EXT1: variants seen among roughly 807,000 people sequenced by gnomAD.
EXT1 encodes the protein exostosin-1.
In EXT1, 20 loss-of-function variants were observed where a neutral mutation model predicts 82.5. The observed-to-expected ratio is 0.24, with a 90% confidence interval of 0.17 to 0.35. The LOEUF (loss-of-function observed/expected upper bound fraction) is 0.35, where lower values mean the gene tolerates loss of function less well. Among genes scored for constraint, EXT1 ranks in the 10% least tolerant of loss-of-function variants. The pLI is 1.00. For missense variants in EXT1, 757 were observed against 936.5 expected (o/e 0.81, Z 2.50); for synonymous variants, 348 against 350.8 (o/e 0.99, Z 0.09).
chr8:117,915,869 C>CAAAACAAAAA (rs1813739567), intron 1 of EXT1, among the ~76,000 whole-genome samples: 1 of 151,822 alleles, frequency 6.6e-6, no homozygotes, highest in Non-Finnish European at 1.5e-5. Context: ...CAAAACAAAA[C>CAAAACAAAAA]AAAACAAAAC....
At chr8:117,930,137 A>G (rs1375969333) in intron 1 of EXT1, among the ~76,000 whole-genome samples, 1 of 152,046 alleles carries the variant, frequency 6.6e-6, no homozygotes, top group Non-Finnish European at 1.5e-5. Flanking sequence ...AGAGAAGAGG[A>G]AGAGTTTGCC....
At chr8:117,984,449 C>A (rs368015973) in intron 1 of EXT1, among the ~76,000 whole-genome samples, 2,212 of 130,462 alleles carry the variant, frequency 0.017, 21 homozygotes, top group African/African-American at 0.024. Context: ...CAAAACAAAA[C>A]AAAAAAAAAA....
chr8:117,868,875 C>T (rs529571435), intron 1 of EXT1, among the ~76,000 whole-genome samples: 1 of 152,116 alleles, frequency 6.6e-6, no homozygotes. Flanking sequence ...AATTCCAGCC[C>T]ATAGAGCAGG....
At chr8:117,952,898 T>G (rs1355228753) in intron 1 of EXT1, among the ~76,000 whole-genome samples, 1 of 152,214 alleles carries the variant, frequency 6.6e-6, no homozygotes, top group Non-Finnish European at 1.5e-5. Flanking sequence ...TTCATGAATT[T>G]TATAGTAAAA....
chr8:117,955,402 T>G (rs988470905), intron 1 of EXT1, among the ~76,000 whole-genome samples: 2 of 152,238 alleles, frequency 1.3e-5, no homozygotes, highest in Non-Finnish European at 2.9e-5. Context: ...ATCACCACTT[T>G]GAAGCTATCC....
At chr8:118,075,779 C>A (rs1563648474) in intron 1 of EXT1, among the ~76,000 whole-genome samples, 1 of 151,870 alleles carries the variant, frequency 6.6e-6, no homozygotes, top group Non-Finnish European at 1.5e-5. Flanking sequence ...TCTCACATGG[C>A]AAGAGAAGGA....
rs568223892 is a variant in EXT1 at position 117,839,839 on chromosome 8, C to T, written c.963-2638G>A. On this transcript the variant is annotated intron_variant, in intron 1 of 10. Transcript: ENST00000378204. ...CTTTCAAGAAATACTATGTTTCAGA[C>T]ACTGTCCCATTTCAACAGATAGAGT... Among the ~76,000 whole-genome samples, 9 of 152,326 alleles carry T rather than the reference C, an allele frequency of 5.9e-5. No individual in the cohort carries two copies. In the East Asian group the frequency reaches 1.5e-3, roughly 26 times the overall value.
chr8:117,802,334 C>CCTTAATGTCTCATTTAA (rs1823178771), intron 10 of EXT1, among the ~76,000 whole-genome samples: 1 of 152,120 alleles, frequency 6.6e-6, no homozygotes, highest in African/African-American at 2.4e-5. Context: ...TTTAAAATGT[C>CCTTAATGTCTCATTTAA]ATGTCCTTAA....
intron 10 of EXT1, 59 bp downstream of exon 10, chr8:117,804,663 T>G (rs1823211417): frequency 7.5e-6 from 12 of 1,598,724 alleles, no homozygotes; most frequent in Non-Finnish European, 9.4e-6. Context: ...TGAGTCCTCA[T>G]TACCTGGGGC....
chr8:117,897,521 C>T (rs1392076842), intron 1 of EXT1, among the ~76,000 whole-genome samples: 2 of 151,306 alleles, frequency 1.3e-5, no homozygotes, highest in African/African-American at 4.8e-5. Context: ...CTAAAGCAGG[C>T]CTTGTTTTCA....
intron 1 of EXT1, among the ~76,000 whole-genome samples, chr8:117,890,366 G>C (rs1813221589): frequency 6.6e-6 from 1 of 152,168 alleles, no homozygotes. Context: ...GAATGGGTGG[G>C]TGCTTCTGGT....
chr8:117,943,253 C>T (rs758938677), intron 1 of EXT1, among the ~76,000 whole-genome samples: 6 of 152,150 alleles, frequency 3.9e-5, no homozygotes, highest in Admixed American at 2.6e-4. Flanking sequence ...ACAGACACTA[C>T]TACAAACTGC....
At chr8:117,884,857 T>C (rs1442166360) in intron 1 of EXT1, among the ~76,000 whole-genome samples, 1 of 152,232 alleles carries the variant, frequency 6.6e-6, no homozygotes, top group East Asian at 1.9e-4. Flanking sequence ...TCCAGCTTTC[T>C]GTAGCAGCAA....
chr8:118,111,660 C>G lies in EXT1; in HGVS notation c.-614G>C, dbSNP rs1180215771. 9 of 368,980 alleles carry G rather than the reference C, an allele frequency of 2.4e-5. No homozygotes were observed. Among genetic ancestry groups the G allele is most frequent in the Admixed American group, 2.3e-4 (5 of 21,446 alleles). 22.9% of individuals were successfully genotyped at this position (368,980 alleles called of 1,614,324 possible). ...CCGGCGGTGTTTACTCCTGCGCTCG[C>G]GGGGCCGGCCCCCGGGACGCGCGGC... On this transcript the variant is annotated 5_prime_UTR_variant, in exon 1 of 11. Coordinates refer to ENST00000378204, the MANE Select transcript of EXT1 (RefSeq NM_000127.3).
At chr8:117,919,306 C>A (rs1375112419) in intron 1 of EXT1, among the ~76,000 whole-genome samples, 2 of 151,746 alleles carry the variant, frequency 1.3e-5, no homozygotes, top group African/African-American at 4.8e-5. Context: ...CCACCTCAGC[C>A]TCCAGAACAG....
chr8:117,913,242 T>C (rs1813686113), intron 1 of EXT1, among the ~76,000 whole-genome samples: 1 of 151,986 alleles, frequency 6.6e-6, no homozygotes, highest in African/African-American at 2.4e-5. Flanking sequence ...TGTCAGACAG[T>C]CCAAGAGAAC....
rs759528254 is a variant in EXT1, at chr8:117,818,436, T to C, written c.1631A>G (p.Lys544Arg). The change falls in exon 7 of 11, where the codon AAG becomes AGG. Residue 544 changes from lysine to arginine, a missense_variant and splice_region_variant. Around this residue, in one of 4 missense-constraint regions of EXT1, gnomAD observed 207 missense variants for 224.2 expected, o/e 0.92. Transcript: ENST00000378204. ...VPVVVIEGESKVMSSRFLPYD... is the reference protein window; with the variant it reads ...VPVVVIEGESRVMSSRFLPYD... ...ATATAGGTCCCCTTCGAGTCTTACC[T>C]TGCTCTCTCCTTCAATGACGACGAC... The C allele has an allele frequency of 1.2e-6, 2 of 1,613,958 alleles. No individual in the cohort carries two copies. The highest frequency in any genetic ancestry group is 2.7e-5 in the African/African-American group (2 of 74,904).
chr8:118,036,281 T>C (rs148471863), intron 1 of EXT1, among the ~76,000 whole-genome samples: 1 of 152,220 alleles, frequency 6.6e-6, no homozygotes, highest in East Asian at 1.9e-4. Context: ...TTCAGGCTGT[T>C]AGCCATTCCA....
chr8:117,808,256 A>G (rs1823265941), intron 8 of EXT1, among the ~76,000 whole-genome samples: 1 of 152,254 alleles, frequency 6.6e-6, no homozygotes, highest in African/African-American at 2.4e-5. Flanking sequence ...AAACAATCAT[A>G]TAATGCTCAT....
Sources: allele counts gnomAD v4.1 joint callset (sites outside exome capture counted in the v4.1 genomes callset), GRCh38; gene constraint gnomAD v4.1.1; regional missense constraint gnomAD v4.1.1; transcripts MANE v1.5; gene names NCBI Gene and HGNC (gene_info 2026-07-23, HGNC 2026-07-21).